Variants in PIP4P1 observed in about 807,000 individuals in gnomAD.
PIP4P1 encodes phosphatidylinositol-4,5-bisphosphate 4-phosphatase 1, also known as type 1 phosphatidylinositol 4,5-bisphosphate 4-phosphatase.
PIP4P1 carries 14 observed loss-of-function variants against 32.3 expected under a neutral mutation model. The observed-to-expected ratio is 0.43, with a 90% CI of 0.29 to 0.68. PIP4P1 has a LOEUF of 0.68. Among genes scored for constraint, PIP4P1 ranks in the 30% least tolerant of loss-of-function variants. PIP4P1 has a pLI of 0.15. For missense variants in PIP4P1, 289 were observed against 364.5 expected (o/e 0.79, Z 1.69); for synonymous variants, 132 against 137.9 (o/e 0.96, Z 0.30).
Position 20,458,508 on chromosome 14 carries a change from G to C in PIP4P1, c.*51C>G. 6.2e-7 allele frequency: 1 copy of C among 1,605,512 alleles called. No homozygotes were observed. Among genetic ancestry groups the C allele is most frequent in the Non-Finnish European group, 8.5e-7 (1 of 1,175,500 alleles). ...TAACTACCCCAGCTCCCTTCGTAGT[G>C]TCACTGTCCCCACCAGGGAGGGGCC... is the stretch of plus-strand genomic sequence containing the variant. On this transcript the variant is annotated 3_prime_UTR_variant, in exon 7 of 7. Coordinates refer to ENST00000250489, the MANE Select transcript of PIP4P1 (RefSeq NM_144568.4).
intron 3 of PIP4P1, 56 bp downstream of exon 3, chr14:20,460,136 C>T: frequency 7.5e-7 from 1 of 1,326,802 alleles, no homozygotes; most frequent in Non-Finnish European, 1.1e-6. Flanking sequence ...ATACGCTCAT[C>T]CTTTTTTGAC....
In PIP4P1 at chr14:20,460,718, G is replaced by C. The variant is rs1032951992; in HGVS notation, c.270C>G (p.Leu90=). The C allele has an allele frequency of 1.9e-6, 3 of 1,614,084 alleles. No homozygotes were observed. In the South Asian group the frequency reaches 3.3e-5, roughly 18 times the overall value. Residue 90 remains leucine (L), a synonymous_variant, in exon 2 of 7, where the codon CTC becomes CTG. Transcript: ENST00000250489. ...PMITCRVCQS[L]INVEGKMHQH... ...GATGCATCTTGCCTTCCACGTTGAT[G>C]AGAGATTGGCAGACTCGGCAGGTGA...
At chr14:20,459,781 T>C in intron 3 of PIP4P1, 48 bp from the exon 4 acceptor site, 3 of 1,504,750 alleles carry the variant, frequency 2.0e-6, no homozygotes, top group Non-Finnish European at 2.8e-6. Context: ...GTTTGAAAAA[T>C]TTTTAATCCT....
intron 4 of PIP4P1, 41 bp from the exon 5 acceptor site, chr14:20,459,481 C>T (rs1318548084): frequency 6.2e-7 from 1 of 1,613,018 alleles, no homozygotes; most frequent in South Asian, 1.1e-5. Context: ...CAAGCAGGGT[C>T]TCCCTCAATG....
intron 2 of PIP4P1, 141 bp downstream of exon 2, chr14:20,460,514 G>A: frequency 1.1e-6 from 1 of 887,494 alleles, no homozygotes; most frequent in Non-Finnish European, 1.7e-6. Flanking sequence ...CTGGGGAAAT[G>A]GCTGTGTGAG....
chr14:20,460,752 G>A lies in PIP4P1; in HGVS notation c.236C>T (p.Ala79Val). The A allele has an allele frequency of 1.2e-6, 2 of 1,613,266 alleles. No individual in the cohort carries two copies. Among genetic ancestry groups the A allele is most frequent in the South Asian group, 1.1e-5 (1 of 91,024 alleles). Residue 79 changes from alanine to valine, a missense_variant, in exon 2 of 7, where the codon GCC (alanine) becomes GTC (valine). Transcript: ENST00000250489. ...SPLTSPDSGS[A>V]PMITCRVCQS... ...GCAGACTCGGCAGGTGATCATAGGG[G>A]CACTCCCACTGTCCGGGCTAGTTAA...
At chr14:20,461,042 GC>G (rs1359385557) in intron 1 of PIP4P1, 141 bp downstream of exon 1, 3 of 1,273,504 alleles carry the variant, frequency 2.4e-6, no homozygotes, top group Non-Finnish European at 3.0e-6. Flanking sequence ...AGGAAGCCTC[GC>G]CCAGTCACAG....
At chr14:20,459,962 A>T (rs1262809216) in intron 3 of PIP4P1, 1 of 613,554 alleles carries the variant, frequency 1.6e-6, no homozygotes, top group East Asian at 2.7e-5. Flanking sequence ...ACCTCAGGAT[A>T]ACACACCCAG....
Position 20,461,243 on chromosome 14 carries a change from C to T in PIP4P1, c.83G>A (p.Gly28Asp), listed in dbSNP as rs934605005. The change falls in exon 1 of 7, where the codon GGC becomes GAC. Residue 28 changes from glycine (G) to aspartate (D), a missense_variant. This residue lies in a region of PIP4P1 where 108 missense variants were observed against 101.2 expected (regional missense o/e 1.07). Transcript: ENST00000250489. ...TCCCCCGGGCCCAGCCCCACTCCCG[C>T]CGGGCCCCACTAAACCGTTGCCGCC... ...GAGGNGLVGP[G>D]GSGAGPGGGL... 4 of 1,267,448 alleles carry T rather than the reference C, an allele frequency of 3.2e-6. No individual in the cohort carries two copies. In the African/African-American group the frequency reaches 4.6e-5, roughly 15 times the overall value. The allele number at this position is 1,267,448 out of a possible 1,614,324, so 78.5% of individuals were successfully genotyped here.
chr14:20,458,254 C>A lies in PIP4P1; in HGVS notation c.*305G>T. The A allele has an allele frequency of 1.9e-6, 1 of 521,672 alleles. No individual in the cohort carries two copies. The highest frequency in any genetic ancestry group is 3.7e-6 in the Non-Finnish European group (1 of 269,952). The allele number at this position is 521,672 out of a possible 1,614,324, so 32.3% of individuals were successfully genotyped here. Reference sequence around the variant, plus strand: ...ATGTGTAAGGGACAGGAATGGCTCTCAGGGAGCACACAGGAAGGACAAGGC... The same window carrying A: ...ATGTGTAAGGGACAGGAATGGCTCTAAGGGAGCACACAGGAAGGACAAGGC... On this transcript the variant is annotated 3_prime_UTR_variant, in exon 7 of 7. Coordinates refer to ENST00000250489, the MANE Select transcript of PIP4P1 (RefSeq NM_144568.4).
At position 20,458,659 on chromosome 14, in the gene PIP4P1, G is replaced by A. The variant is rs1176822962; in HGVS notation, c.734C>T (p.Ala245Val). ...CAACAGGATGACAAATGCCCAGGCT[G>A]CATAGATGCCTCCATATCGCCGTGC... The part of the protein sequence containing the change: ...KHARRYGGIY[A>V]AWAFVILLAV... Residue 245 changes from alanine (A) to valine (V), a missense_variant, in exon 7 of 7, where the codon GCA becomes GTA. This residue lies in a region of PIP4P1 where 181 missense variants were observed against 263.3 expected (regional missense o/e 0.69). Transcript: ENST00000250489. The A allele has an allele frequency of 6.2e-7, 1 of 1,614,024 alleles. No homozygotes were observed. Among genetic ancestry groups the A allele is most frequent in the Non-Finnish European group, 8.5e-7 (1 of 1,180,002 alleles).
rs576343781 is a variant in PIP4P1, at chr14:20,458,130, A to C, written c.*429T>G. 1.6e-5 allele frequency: 6 copies of C among 370,042 alleles called. No homozygotes were observed. Among genetic ancestry groups the C allele is most frequent in the Non-Finnish European group, 3.2e-5 (6 of 188,230 alleles). The allele number at this position is 370,042 out of a possible 1,614,324, so 22.9% of individuals were successfully genotyped here. A position where few individuals can be genotyped will look rare whatever the true frequency, so the allele number is the denominator to read the frequency against. On this transcript the variant is annotated 3_prime_UTR_variant, in exon 7 of 7. Coordinates refer to ENST00000250489, the MANE Select transcript of PIP4P1 (RefSeq NM_144568.4). ...AGGAGACTGAGGGTACTGAGGCCAG[A>C]GCCAACCTCTGGTGAAGTGCAATAG...
chr14:20,459,786 A>C, intron 3 of PIP4P1, 53 bp from the exon 4 acceptor site: 1 of 1,444,366 alleles, frequency 6.9e-7, no homozygotes, highest in East Asian at 2.3e-5. Flanking sequence ...AAAAATTTTT[A>C]ATCCTAAAAA....
At position 20,458,109 on chromosome 14, in the gene PIP4P1, G is replaced by C. The variant is rs2139312181; in HGVS notation, c.*450C>G. The C allele has an allele frequency of 5.5e-6, 2 of 363,600 alleles. No individual in the cohort carries two copies. The highest frequency in any genetic ancestry group is 1.5e-4 in the East Asian group (2 of 13,790). 22.5% of individuals were successfully genotyped at this position (363,600 alleles called of 1,614,324 possible). On this transcript the variant is annotated 3_prime_UTR_variant, in exon 7 of 7. Coordinates refer to ENST00000250489, the MANE Select transcript of PIP4P1 (RefSeq NM_144568.4). ...CACAGGACACAATGTGGGGAGAGGA[G>C]ACTGAGGGTACTGAGGCCAGAGCCA...
intron 6 of PIP4P1, 105 bp downstream of exon 6, chr14:20,459,101 A>G (rs1167771066): frequency 8.3e-7 from 1 of 1,199,574 alleles, no homozygotes; most frequent in African/African-American, 1.5e-5. Flanking sequence ...AAAACAAACT[A>G]GTCCCCCAAG....
Position 20,459,370 on chromosome 14 carries a change from C to T in PIP4P1, c.599+18G>A, listed in dbSNP as rs745732832. 1.4e-5 allele frequency: 23 copies of T among 1,614,122 alleles called. No homozygotes were observed. Among genetic ancestry groups the T allele is most frequent in the Non-Finnish European group, 1.9e-5 (23 of 1,180,046 alleles). On this transcript the variant is annotated intron_variant, in intron 5 of 6. Transcript: ENST00000250489. ...TTACTCCATACATCAATTACCAGCT[C>T]AATCCCTAATCACTTACACTTTCCT...
In PIP4P1 at chr14:20,457,708, C is replaced by A; in HGVS notation, c.*851G>T. On this transcript the variant is annotated 3_prime_UTR_variant, in exon 7 of 7. Coordinates refer to ENST00000250489, the MANE Select transcript of PIP4P1 (RefSeq NM_144568.4). ...TTTTGTTTTTTAAAAAAAAATTGAA[C>A]AAAGACTACTAATGACTTTGTTTGA... The A allele has an allele frequency of 1.5e-6, 1 of 680,558 alleles. No homozygotes were observed. The highest frequency in any genetic ancestry group is 2.4e-6 in the Non-Finnish European group (1 of 409,264). The allele number at this position is 680,558 out of a possible 1,614,324, so 42.2% of individuals were successfully genotyped here.
intron 6 of PIP4P1, 135 bp from the exon 7 acceptor site, chr14:20,458,837 G>A (rs1035836966): frequency 4.6e-5 from 53 of 1,149,588 alleles, no homozygotes; most frequent in Non-Finnish European, 6.1e-5. Flanking sequence ...CACCCTCAGG[G>A]ACCTTCTTAA....
At chr14:20,458,875 T>C in intron 6 of PIP4P1, 173 bp from the exon 7 acceptor site, 4 of 763,418 alleles carry the variant, frequency 5.2e-6, no homozygotes, top group East Asian at 2.7e-5. Context: ...TTCCTTCCCT[T>C]AGGCGTAACA....
Sources: allele counts gnomAD v4.1 joint callset, GRCh38; gene constraint gnomAD v4.1.1; regional missense constraint gnomAD v4.1.1; transcripts MANE v1.5; gene names NCBI Gene and HGNC (gene_info 2026-07-23, HGNC 2026-07-21).